PLCE1: variants seen among roughly 807,000 people sequenced by gnomAD.
PLCE1 encodes 1-phosphatidylinositol 4,5-bisphosphate phosphodiesterase epsilon-1.
PLCE1 carries 119 observed loss-of-function variants against 242.8 expected under a neutral mutation model. The ratio of observed to expected loss-of-function variants is 0.49; its 90% CI spans 0.42 to 0.57. The LOEUF (loss-of-function observed/expected upper bound fraction) is 0.57. PLCE1 is among the 20% of genes least tolerant of loss of function. The pLI is 0.00. For synonymous variants in PLCE1, 945 were observed against 1,017.4 expected (o/e 0.93, Z 1.35); for missense variants, 2,441 against 2,788.8 (o/e 0.88, Z 2.81).
intron 23 of PLCE1, among the ~76,000 whole-genome samples, chr10:94,294,556 G>A (rs948021088): frequency 6.6e-5 from 10 of 152,044 alleles, no homozygotes; most frequent in Admixed American, 3.3e-4. Flanking sequence ...TAATTTTTTC[G>A]TTTCCCAGTA....
chr10:94,064,123 C>A (rs1472574252), intron 2 of PLCE1, among the ~76,000 whole-genome samples: 1 of 152,064 alleles, frequency 6.6e-6, no homozygotes, highest in Non-Finnish European at 1.5e-5. Context: ...AGGATTTTTG[C>A]CCTCCATGTT....
At chr10:94,152,016 G>A (rs535662248) in intron 3 of PLCE1, among the ~76,000 whole-genome samples, 2 of 152,124 alleles carry the variant, frequency 1.3e-5, no homozygotes, top group Admixed American at 1.3e-4. Context: ...ATTAACTCAA[G>A]ATGGATTAAA....
At chr10:94,233,831 C>T (rs2050226702) in intron 5 of PLCE1, among the ~76,000 whole-genome samples, 1 of 151,822 alleles carries the variant, frequency 6.6e-6, no homozygotes, top group Non-Finnish European at 1.5e-5. Context: ...GCCTATAATC[C>T]CAGCTACTAG....
chr10:94,292,536 C>A (rs546055146), intron 22 of PLCE1, among the ~76,000 whole-genome samples: 56 of 152,160 alleles, frequency 3.7e-4, no homozygotes, highest in Non-Finnish European at 6.8e-4. Context: ...TATTCCTAAC[C>A]ACAGCCCACT....
At chr10:94,000,022 T>C (rs889421487) in intron 1 of PLCE1, among the ~76,000 whole-genome samples, 2 of 152,218 alleles carry the variant, frequency 1.3e-5, no homozygotes, top group Non-Finnish European at 2.9e-5. Context: ...GTTTTCAAAC[T>C]ATGTTCCAGG....
chr10:94,161,865 A>G (rs2047626319), intron 3 of PLCE1, among the ~76,000 whole-genome samples: 1 of 152,160 alleles, frequency 6.6e-6, no homozygotes, highest in Admixed American at 6.5e-5. Flanking sequence ...TTTAGCATGA[A>G]GGGCTGTTGA....
chr10:94,220,666 T>A (rs1032333304), intron 4 of PLCE1, among the ~76,000 whole-genome samples: 2 of 151,950 alleles, frequency 1.3e-5, no homozygotes, highest in Non-Finnish European at 2.9e-5. Flanking sequence ...TCTACAACAG[T>A]ACTTGCAGCA....
intron 2 of PLCE1, chr10:94,109,247 G>GA (rs1233608065): frequency 2.0e-5 from 3 of 152,206 alleles, no homozygotes; most frequent in East Asian, 1.9e-4. Flanking sequence ...AGATGTTAAT[G>GA]AAAAAAATAT....
chr10:94,302,417 T>G (rs1299091704), intron 24 of PLCE1, among the ~76,000 whole-genome samples: 2 of 152,140 alleles, frequency 1.3e-5, no homozygotes, highest in Non-Finnish European at 2.9e-5. Flanking sequence ...AGCTTCAAAG[T>G]TTTAATAATA....
chr10:94,091,378 A>C (rs1260045660), intron 2 of PLCE1, among the ~76,000 whole-genome samples: 1 of 152,232 alleles, frequency 6.6e-6, no homozygotes, highest in Non-Finnish European at 1.5e-5. Flanking sequence ...ACAATGCTTT[A>C]GATCTGTGCT....
At chr10:94,275,272 C>A (rs1410901084) in intron 19 of PLCE1, among the ~76,000 whole-genome samples, 1 of 152,118 alleles carries the variant, frequency 6.6e-6, no homozygotes, top group Non-Finnish European at 1.5e-5. Context: ...ATGTGTTTCC[C>A]CACCAGCTTT....
At chr10:94,243,696 C>G (rs923462417) in intron 7 of PLCE1, among the ~76,000 whole-genome samples, 1 of 152,188 alleles carries the variant, frequency 6.6e-6, no homozygotes, top group African/African-American at 2.4e-5. Context: ...CCCTAAACTT[C>G]TTATTTCCCT....
intron 2 of PLCE1, among the ~76,000 whole-genome samples, chr10:94,067,186 T>C (rs775744764): frequency 9.9e-5 from 15 of 152,178 alleles, no homozygotes; most frequent in Non-Finnish European, 1.9e-4. Context: ...CTGCTGGATC[T>C]TCCTAACATA....
chr10:94,257,479 A>C (rs2051140562), intron 11 of PLCE1, among the ~76,000 whole-genome samples: 1 of 152,208 alleles, frequency 6.6e-6, no homozygotes, highest in Non-Finnish European at 1.5e-5. Flanking sequence ...ACGTATGTTT[A>C]TTGCGGCACT....
rs2049991166 is a variant in PLCE1, at chr10:94,227,580, G to A, written c.1955+129G>A. The A allele has an allele frequency of 3.0e-5, 27 of 911,332 alleles. No individual in the cohort carries two copies. The South Asian group carries it at 3.2e-4, about 11-fold the overall frequency. The allele number at this position is 911,332 out of a possible 1,614,324, so 56.5% of individuals were successfully genotyped here. A position where few individuals can be genotyped will look rare whatever the true frequency, so the allele number is the denominator to read the frequency against. Reference sequence around the variant, plus strand: ...ACTGGAAATGATTAACTTGGGAAATGTATTATCTTCTTTCAGCACCAAAGG... The same window carrying A: ...ACTGGAAATGATTAACTTGGGAAATATATTATCTTCTTTCAGCACCAAAGG... On this transcript the variant is annotated intron_variant, in intron 5 of 32. Transcript: ENST00000371380.
chr10:94,091,216 T>G (rs1034355324), intron 2 of PLCE1, among the ~76,000 whole-genome samples: 1 of 152,218 alleles, frequency 6.6e-6, no homozygotes, highest in Non-Finnish European at 1.5e-5. Context: ...TAATGTGATC[T>G]TGATGAAGGT....
In PLCE1 at chr10:94,328,228, A is replaced by C. The variant is rs1336715939; in HGVS notation, c.*285A>C. ...AATTGACTTAGAGCAAGGGTCAGCA[A>C]GCTTGTCTGTAAAGGGCCAAACAGT... On this transcript the variant is annotated 3_prime_UTR_variant, in exon 33 of 33. Transcript: ENST00000371380. 2 of 286,172 alleles carry C rather than the reference A, an allele frequency of 7.0e-6. No individual in the cohort carries two copies. The highest frequency in any genetic ancestry group is 1.5e-5 in the Non-Finnish European group (2 of 136,384). 17.7% of individuals were successfully genotyped at this position (286,172 alleles called of 1,614,324 possible).
intron 4 of PLCE1, among the ~76,000 whole-genome samples, chr10:94,181,703 G>A (rs899094348): frequency 6.6e-6 from 1 of 152,290 alleles, no homozygotes; most frequent in Non-Finnish European, 1.5e-5. Flanking sequence ...GAGTCCAGGA[G>A]TTCAAGACAA....
chr10:94,326,480 AG>A (rs2054019355), intron 32 of PLCE1, among the ~76,000 whole-genome samples: 1 of 152,226 alleles, frequency 6.6e-6, no homozygotes, highest in African/African-American at 2.4e-5. Context: ...AATAAATCAT[AG>A]GTGTGATGTT....
Sources: gnomAD v4.1 joint callset for allele counts (sites outside exome capture counted in the v4.1 genomes callset) on GRCh38, gnomAD v4.1.1 for gene constraint, MANE v1.5 for transcripts, NCBI Gene and HGNC (gene_info 2026-07-23, HGNC 2026-07-21) for gene names.